FBXL22: variants seen among roughly 807,000 people sequenced by gnomAD.
The protein encoded by FBXL22 is F-box and leucine rich repeat protein 22, also known as F-box and leucine-rich protein 22.
A neutral mutation model predicts 11.7 loss-of-function variants in FBXL22; 13 were observed. The observed-to-expected ratio is 1.11, with a 90% CI of 0.73 to 1.77. The LOEUF is 1.77. Ranked by LOEUF, FBXL22 falls within the 40% of genes most tolerant of loss-of-function variation. The pLI, the probability that FBXL22 is intolerant of heterozygous loss-of-function variation, is 0.00. For synonymous variants in FBXL22, 160 were observed against 144.1 expected (o/e 1.11, Z -0.79); for missense variants, 406 against 320.4 (o/e 1.27, Z -2.04).
Position 63,600,987 on chromosome 15 carries a change from C to A in FBXL22, c.644C>A (p.Pro215His). The A allele has an allele frequency of 8.4e-7, 1 of 1,191,322 alleles. No homozygotes were observed. Among genetic ancestry groups the A allele is most frequent in the Non-Finnish European group, 1.0e-6 (1 of 962,382 alleles). The allele number at this position is 1,191,322 out of a possible 1,614,324, so 73.8% of individuals were successfully genotyped here. Residue 215 changes from proline to histidine, a missense_variant, in exon 2 of 2, where the codon CCC becomes CAC. By Grantham distance (77) the Pro-to-His change is moderately conservative. Transcript: ENST00000638704. The stretch of plus-strand genomic sequence containing the variant: ...AGCGCCGCCATGCTGCCCGACCAGC[C>A]CCCGCGCCCGCGCGCGCCCGCCGCG... ...EHSAAMLPDQ[P>H]PRPRAPAAAL...
Position 63,600,003 on chromosome 15 carries a change from G to A in FBXL22, c.354-694G>A, listed in dbSNP as rs2067340974. 4 of 985,804 alleles carry A rather than the reference G, an allele frequency of 4.1e-6. No homozygotes were observed. The South Asian group carries it at 1.9e-4, about 46-fold the overall frequency. 61.1% of individuals were successfully genotyped at this position (985,804 alleles called of 1,614,324 possible). A position where few individuals can be genotyped will look rare whatever the true frequency, so the allele number is the denominator to read the frequency against. ...TTCTTTGCTGGGAGGGGCTGGTGAG[G>A]CTGCAGCAGAGGGTCCCCCAAGCTT... On this transcript the variant is annotated intron_variant, in intron 1 of 1. Coordinates refer to ENST00000638704, the MANE Select transcript of FBXL22 (RefSeq NM_001367807.1).
At chr15:63,599,055 T>TCAGCTCGTCCAACCATGTGACCC in intron 1 of FBXL22, 1 of 761,626 alleles carries the variant, frequency 1.3e-6, no homozygotes. Context: ...GCTGAGCCGC[T>TCAGCTCGTCCAACCATGTGACCC]CAGCTCGTCC....
chr15:63,604,842 G>A (rs1316395449), downstream of FBXL22, among the ~76,000 whole-genome samples: 2 of 152,136 alleles, frequency 1.3e-5, no homozygotes, highest in Non-Finnish European at 2.9e-5. Flanking sequence ...ATCACCTGAG[G>A]TCAGGAGTTC....
chr15:63,601,675 T>C (rs1458438418), downstream of FBXL22: 1 of 1,607,232 alleles, frequency 6.2e-7, no homozygotes, highest in Admixed American at 1.7e-5. Context: ...GGCGGATGCG[T>C]TCCCGCAGTG....
At chr15:63,608,118 C>G in the FBXL22 span, among the ~76,000 whole-genome samples, 1 of 152,244 alleles carries the variant, frequency 6.6e-6, no homozygotes, top group South Asian at 2.1e-4. Flanking sequence ...CAGTTGCTGG[C>G]CTTTCTGTAA....
chr15:63,605,270 T>G (rs960736373), downstream of FBXL22, among the ~76,000 whole-genome samples: 2 of 152,120 alleles, frequency 1.3e-5, no homozygotes, highest in African/African-American at 4.8e-5. Context: ...TGTTCTTGAG[T>G]GATCTCCAAG....
chr15:63,601,801 A>G, downstream of FBXL22: 5 of 1,363,502 alleles, frequency 3.7e-6, no homozygotes, highest in Non-Finnish European at 4.8e-6. Flanking sequence ...TTTGGAAGAA[A>G]AAAAAAGCCT....
In FBXL22 at chr15:63,599,362, CTTAAACACCTAA is replaced by C. The variant is rs143318009; in HGVS notation, c.354-1333_354-1322del. ...AAAAGATCACCCAACACCTTTGAGG[CTTAAACACCTAA>C]TCCTTATAACCACCTTGAAGGTAAC... is the stretch of plus-strand genomic sequence containing the variant. On this transcript the variant is annotated intron_variant, in intron 1 of 1. Coordinates refer to ENST00000638704, the MANE Select transcript of FBXL22 (RefSeq NM_001367807.1). The C allele has an allele frequency of 8.3e-4, 1,192 of 1,433,150 alleles. 8 individuals are homozygous for C. In the African/African-American group the frequency reaches 0.015, roughly 18 times the overall value. The allele number at this position is 1,433,150 out of a possible 1,614,324, so 88.8% of individuals were successfully genotyped here. A position where few individuals can be genotyped will look rare whatever the true frequency, so the allele number is the denominator to read the frequency against.
Position 63,600,461 on chromosome 15 carries a change from G to C in FBXL22, c.354-236G>C, listed in dbSNP as rs941362907. 2.5e-6 allele frequency: 3 copies of C among 1,216,984 alleles called. No homozygotes were observed. The African/African-American group carries it at 4.7e-5, about 19-fold the overall frequency. The allele number at this position is 1,216,984 out of a possible 1,614,324, so 75.4% of individuals were successfully genotyped here. A position where few individuals can be genotyped will look rare whatever the true frequency, so the allele number is the denominator to read the frequency against. On this transcript the variant is annotated intron_variant, in intron 1 of 1. Transcript: ENST00000638704. ...GGGGCTTCCCACTAGGGGCTCCCAA[G>C]GCTACGAGCCAAGAACCCACGCAGA...
At chr15:63,602,120 A>G (rs186182706), downstream of FBXL22, 333 of 164,652 alleles carry the variant, frequency 2.0e-3, 1 homozygote, top group African/African-American at 7.4e-3. Flanking sequence ...AAAGCCCTTT[A>G]CCCCTCCCAG....
At chr15:63,599,773 G>T in intron 1 of FBXL22, 1 of 986,292 alleles carries the variant, frequency 1.0e-6, no homozygotes, top group Non-Finnish European at 1.2e-6. Context: ...CCAAGGCCCC[G>T]GCCCATTAGT....
At chr15:63,608,454 T>C in the FBXL22 span, among the ~76,000 whole-genome samples, 14 of 152,198 alleles carry the variant, frequency 9.2e-5, no homozygotes, top group African/African-American at 3.4e-4. Flanking sequence ...TGATACGTTA[T>C]TTCCAAGTGA....
intron 1 of FBXL22, chr15:63,599,758 G>C: frequency 5.1e-6 from 5 of 986,312 alleles, no homozygotes; most frequent in Non-Finnish European, 6.0e-6. Flanking sequence ...TCTGGCTGCG[G>C]GGAGCCAAGG....
chr15:63,608,346 G>C, the FBXL22 span, among the ~76,000 whole-genome samples: 1 of 152,236 alleles, frequency 6.6e-6, no homozygotes, highest in Admixed American at 6.5e-5. Flanking sequence ...GGGCGGAGCA[G>C]CTGAGGGAAC....
chr15:63,598,870 G>C (rs1349392601), intron 1 of FBXL22, among the ~76,000 whole-genome samples: 1 of 152,178 alleles, frequency 6.6e-6, no homozygotes, highest in African/African-American at 2.4e-5. Context: ...GGTGGGGGTT[G>C]GGGGGAGGCG....
Position 63,600,903 on chromosome 15 carries a change from C to T in FBXL22, c.560C>T (p.Ala187Val). Residue 187 changes from alanine (A) to valine (V), a missense_variant, in exon 2 of 2, where the codon GCG (alanine) becomes GTG (valine). Coordinates refer to ENST00000638704, the MANE Select transcript of FBXL22 (RefSeq NM_001367807.1). ...LHVDFCRNVS[A>V]AGLRRLRAAC... is the part of the protein sequence containing the mutation. ...GTGGACTTCTGCCGCAACGTGAGCG[C>T]GGCCGGCCTGCGCCGCCTGCGCGCC... 3 of 1,221,920 alleles carry T rather than the reference C, an allele frequency of 2.5e-6. No homozygotes were observed. The highest frequency in any genetic ancestry group is 3.1e-6 in the Non-Finnish European group (3 of 981,468). The allele number at this position is 1,221,920 out of a possible 1,614,324, so 75.7% of individuals were successfully genotyped here.
downstream of FBXL22, chr15:63,601,392 A>G (rs1326937445): frequency 6.2e-7 from 1 of 1,600,748 alleles, no homozygotes; most frequent in Non-Finnish European, 8.5e-7. Flanking sequence ...GGTGGGGAGG[A>G]CCTGACCACT....
At position 63,597,530 on chromosome 15, in the gene FBXL22, C is replaced by T. The variant is rs770174671; in HGVS notation, c.138C>T (p.Pro46=). 35 of 1,614,014 alleles carry T rather than the reference C, an allele frequency of 2.2e-5. No homozygotes were observed. Among genetic ancestry groups the T allele is most frequent in the Middle Eastern group, 1.6e-4 (1 of 6,084 alleles). The part of the protein sequence containing the change: ...CSQLHDVFED[P]ALWSLLHFRS... ...AGCTCCACGACGTGTTTGAGGACCC[C>T]GCACTCTGGTCCCTGCTGCACTTCC... The change falls in exon 1 of 2, where the codon CCC becomes CCT. Residue 46 remains proline (P), a synonymous_variant. Coordinates refer to ENST00000638704, the MANE Select transcript of FBXL22 (RefSeq NM_001367807.1). The surrounding 1 kb of genome is among the most constrained non-coding windows in gnomAD (Gnocchi z 4.3).
chr15:63,599,869 G>C (rs2067337638), intron 1 of FBXL22: 2 of 985,594 alleles, frequency 2.0e-6, no homozygotes, highest in African/African-American at 3.5e-5. Flanking sequence ...CCCGTTGCAG[G>C]CTCCTCACAA....
Sources: gnomAD v4.1 joint callset for allele counts (sites outside exome capture counted in the v4.1 genomes callset) on GRCh38, gnomAD v4.1.1 for gene constraint, Gnocchi (gnomAD v3.1) non-coding constraint, MANE v1.5 for transcripts, NCBI Gene and HGNC (gene_info 2026-07-23, HGNC 2026-07-21) for gene names.